TENM1: variants seen among roughly 807,000 people sequenced by gnomAD.
The protein encoded by TENM1 is teneurin-1.
A neutral mutation model predicts 174.8 loss-of-function variants in TENM1; 35 were observed. That is an observed-to-expected ratio of 0.20 (90% CI 0.15 to 0.27). The LOEUF is 0.27. TENM1 is among the 10% of genes least tolerant of loss of function. The pLI is 1.00. For missense variants in TENM1, 1,633 were observed against 2,130.1 expected (o/e 0.77, Z 4.59); for synonymous variants, 781 against 798.7 (o/e 0.98, Z 0.37).
chrX:124,757,227 C>T (rs2054279841), intron 3 of TENM1, among the ~76,000 whole-genome samples: 1 of 112,507 alleles, frequency 8.9e-6, no homozygotes, highest in Non-Finnish European at 1.9e-5. Flanking sequence ...CTCGCTGCCA[C>T]CTTGCAGTTT....
intron 5 of TENM1, among the ~76,000 whole-genome samples, chrX:124,683,290 C>T (rs921693631): frequency 8.9e-6 from 1 of 111,754 alleles, no homozygotes; most frequent in African/African-American, 3.2e-5. Context: ...CTACCTCAGT[C>T]TTGTTTCACC....
At chrX:124,894,705 A>C (rs1202622447) in intron 2 of TENM1, among the ~76,000 whole-genome samples, 1 of 111,332 alleles carries the variant, frequency 9.0e-6, no homozygotes, top group Non-Finnish European at 1.9e-5. Context: ...ATGAAGGAGA[A>C]GATGTCTTGC....
chrX:124,420,846 A>G (rs1467482684), intron 24 of TENM1, 25 bp from the exon 28 acceptor site: 2 of 1,187,405 alleles, frequency 1.7e-6, no homozygotes, highest in South Asian at 1.8e-5. Context: ...CTTGATTTTA[A>G]CAATTGGCAT....
At chrX:124,417,069 G>A (rs1052106557) in intron 25 of TENM1, among the ~76,000 whole-genome samples, 3 of 111,767 alleles carry the variant, frequency 2.7e-5, no homozygotes, top group African/African-American at 9.8e-5. Context: ...CCCAGTAAAA[G>A]GTATTTTGTT....
chrX:124,791,140 T>C (rs185024784), intron 3 of TENM1, among the ~76,000 whole-genome samples: 375 of 112,440 alleles, frequency 3.3e-3, no homozygotes, highest in Middle Eastern at 0.014. Context: ...TCCTAGTTAA[T>C]AAATTTACCA....
chrX:124,930,345 C>A (rs1220266293), intron 1 of TENM1, among the ~76,000 whole-genome samples: 3 of 111,884 alleles, frequency 2.7e-5, no homozygotes, highest in Non-Finnish European at 5.6e-5. Context: ...TATCAGAATA[C>A]CAACTTTTCT....
intron 20 of TENM1, among the ~76,000 whole-genome samples, chrX:124,489,037 C>A (rs1054419763): frequency 1.8e-5 from 2 of 112,469 alleles, no homozygotes; most frequent in African/African-American, 6.5e-5. Context: ...AGTGTGTGAC[C>A]TTGTTCTGTC....
intron 29 of TENM1, 69 bp downstream of exon 32, chrX:124,385,608 G>A: frequency 1.9e-6 from 2 of 1,026,193 alleles, no homozygotes; most frequent in East Asian, 6.1e-5. Flanking sequence ...ATCTCACACT[G>A]TGGTCAGTAA....
the TENM1 span, among the ~76,000 whole-genome samples, chrX:125,017,888 G>A: frequency 9.0e-6 from 1 of 111,345 alleles, no homozygotes; most frequent in Admixed American, 9.6e-5. Flanking sequence ...GGCTAGGGAA[G>A]GGATAGCATT....
chrX:124,588,633 G>A (rs1036545599), intron 11 of TENM1, among the ~76,000 whole-genome samples: 4 of 110,048 alleles, frequency 3.6e-5, no homozygotes, highest in Non-Finnish European at 5.7e-5. Context: ...CATGGCACAT[G>A]TATACATATG....
intron 11 of TENM1, among the ~76,000 whole-genome samples, chrX:124,611,081 A>G (rs1458297349): frequency 1.8e-5 from 2 of 111,468 alleles, no homozygotes; most frequent in Non-Finnish European, 3.8e-5. Context: ...CCTCCCCACA[A>G]GATAATAGTG....
chrX:124,419,395 C>T (rs1452047895), intron 25 of TENM1, among the ~76,000 whole-genome samples: 1 of 111,818 alleles, frequency 8.9e-6, no homozygotes, highest in Non-Finnish European at 1.9e-5. Context: ...ATTCCAGACT[C>T]TGAATTCAGA....
intron 3 of TENM1, among the ~76,000 whole-genome samples, chrX:124,812,564 T>G (rs780851755): frequency 1.8e-5 from 2 of 111,188 alleles, no homozygotes. Context: ...GAAAAGACTT[T>G]CAAATTGTTT....
Position 124,624,689 on chromosome X carries a change from A to T in TENM1, c.2077+17102T>A, listed in dbSNP as rs2050596936. ...TAGATCTGGGTAGGTCAATAAATCT[A>T]ATGGAGCCTCAGTTTCTTCATTTAT... On this transcript the variant is annotated intron_variant, in intron 11 of 31. Transcript: ENST00000422452. Among the ~76,000 whole-genome samples, 3 of 111,866 alleles carry T rather than the reference A, an allele frequency of 2.7e-5. No homozygotes were observed. In the South Asian group the frequency reaches 1.1e-3, roughly 42 times the overall value.
At chrX:125,033,151 T>C in the TENM1 span, among the ~76,000 whole-genome samples, 2 of 111,487 alleles carry the variant, frequency 1.8e-5, no homozygotes, top group Non-Finnish European at 3.8e-5. Context: ...CATCTCAAAG[T>C]GTGAGTGTGG....
the TENM1 span, among the ~76,000 whole-genome samples, chrX:125,102,409 C>A: frequency 8.2e-5 from 9 of 109,687 alleles, no homozygotes; most frequent in East Asian, 2.6e-3. Flanking sequence ...CAGAAAAAAA[C>A]CCAACCATAA....
intron 28 of TENM1, among the ~76,000 whole-genome samples, chrX:124,391,095 A>G (rs372757989): frequency 9.0e-6 from 1 of 111,206 alleles, no homozygotes; most frequent in Non-Finnish European, 1.9e-5. Flanking sequence ...CTGGCACACT[A>G]TTTTTGTTTA....
intron 21 of TENM1, among the ~76,000 whole-genome samples, chrX:124,483,615 C>T (rs1466642488): frequency 1.8e-5 from 2 of 112,659 alleles, no homozygotes; most frequent in African/African-American, 6.4e-5. Flanking sequence ...CTCATCTGAA[C>T]TACTTCCTTG....
the TENM1 span, among the ~76,000 whole-genome samples, chrX:125,139,995 G>A: frequency 9.9e-5 from 11 of 110,737 alleles, no homozygotes; most frequent in South Asian, 3.9e-4. Context: ...AAATACTTTC[G>A]TAATATATTA....
Sources: gnomAD v4.1 joint callset for allele counts (sites outside exome capture counted in the v4.1 genomes callset) on GRCh38, gnomAD v4.1.1 for gene constraint, MANE v1.5 for transcripts, NCBI Gene and HGNC (gene_info 2026-07-23, HGNC 2026-07-21) for gene names.